Variants in FNIP1 observed in about 807,000 individuals in gnomAD.
FNIP1 encodes folliculin interacting protein 1, also known as folliculin-interacting protein 1.
In FNIP1, 40 loss-of-function variants were observed where a neutral mutation model predicts 124.5. That is an observed-to-expected ratio of 0.32 (90% confidence interval 0.25 to 0.42). The LOEUF (loss-of-function observed/expected upper bound fraction) is 0.42, where lower values mean the gene tolerates loss of function less well. FNIP1 is among the 10% of genes least tolerant of loss of function. The pLI, the probability that FNIP1 is intolerant of heterozygous loss-of-function variation, is 1.00. For missense variants in FNIP1, 1,176 were observed against 1,403.7 expected, an observed-to-expected ratio of 0.84 and a Z score of 2.59; for synonymous variants, 472 against 470.6, an observed-to-expected ratio of 1.00 and a Z score of -0.04.
At chr5:131,720,232 A>G (rs189044827) in intron 3 of FNIP1, among the ~76,000 whole-genome samples, 2 of 152,356 alleles carry the variant, frequency 1.3e-5, no homozygotes, top group East Asian at 3.9e-4. Context: ...GAAGGGTGCT[A>G]AGAATACACA....
chr5:131,729,777 C>T (rs141919680), intron 3 of FNIP1, among the ~76,000 whole-genome samples: 98 of 151,874 alleles, frequency 6.5e-4, no homozygotes, highest in African/African-American at 2.2e-3. Context: ...CAGAGGTTCG[C>T]TCTTGTTACC....
intron 1 of FNIP1, among the ~76,000 whole-genome samples, chr5:131,783,242 C>A (rs1772054305): frequency 6.6e-6 from 1 of 151,938 alleles, no homozygotes; most frequent in Admixed American, 6.6e-5. Context: ...AAAGAAATAC[C>A]AGACTCATGG....
chr5:131,795,912 C>A (rs1429411181), intron 1 of FNIP1: 1 of 152,110 alleles, frequency 6.6e-6, no homozygotes, highest in Non-Finnish European at 1.5e-5. Context: ...GTTATATTTG[C>A]AAGTTTCCAC....
intron 13 of FNIP1, among the ~76,000 whole-genome samples, chr5:131,677,048 A>G (rs1179718827): frequency 7.2e-5 from 11 of 152,254 alleles, no homozygotes. Flanking sequence ...CACAGTCTCA[A>G]CCATTTTACA....
chr5:131,697,968 C>CAAAAAAAAAAAAAAAAAAAAAAAA (rs753487190), intron 11 of FNIP1, among the ~76,000 whole-genome samples: 3 of 58,766 alleles, frequency 5.1e-5, no homozygotes, highest in Non-Finnish European at 8.5e-5. Flanking sequence ...GACTCCACCT[C>CAAAAAAAAAAAAAAAAAAAAAAAA]AAAAAAAAAA....
chr5:131,766,857 A>C (rs766328699), intron 1 of FNIP1, among the ~76,000 whole-genome samples: 4 of 152,182 alleles, frequency 2.6e-5, no homozygotes, highest in Non-Finnish European at 4.4e-5. Context: ...AGAAAGACAG[A>C]GGAAATCCCA....
intron 2 of FNIP1, among the ~76,000 whole-genome samples, chr5:131,735,658 A>ATG (rs1409250501): frequency 6.7e-6 from 1 of 149,848 alleles, no homozygotes; most frequent in Admixed American, 6.7e-5. Flanking sequence ...GCACATATAT[A>ATG]TGTATATATA....
rs1443647317 is a variant in FNIP1 at position 131,707,908 on chromosome 5, A to G, written c.778+1293T>C. On this transcript the variant is annotated intron_variant, in intron 8 of 17. Coordinates refer to ENST00000510461, the MANE Select transcript of FNIP1 (RefSeq NM_133372.3). ...ATTATACTTAAATCTTAAATAAAAT[A>G]ATGAGAATTAAATTCCTGCCAGGGA... Among the ~76,000 whole-genome samples, 3 of 152,142 alleles carry G rather than the reference A, an allele frequency of 2.0e-5. No individual in the cohort carries two copies. In the South Asian group the frequency reaches 6.2e-4, roughly 31 times the overall value.
chr5:131,768,090 T>C (rs570199787), intron 1 of FNIP1, among the ~76,000 whole-genome samples: 58 of 152,258 alleles, frequency 3.8e-4, no homozygotes, highest in African/African-American at 1.3e-3. Flanking sequence ...AAAAATACCA[T>C]AACAAAAATA....
At chr5:131,658,907 C>CAAAAAAAAAAA (rs70974003) in intron 15 of FNIP1, among the ~76,000 whole-genome samples, 28 of 41,156 alleles carry the variant, frequency 6.8e-4, no homozygotes, top group African/African-American at 1.2e-3. Context: ...TGGGTCTAGC[C>CAAAAAAAAAAA]AAAAAAAAAA....
At chr5:131,788,358 T>C (rs1282103011) in intron 1 of FNIP1, among the ~76,000 whole-genome samples, 5 of 151,944 alleles carry the variant, frequency 3.3e-5, no homozygotes, top group African/African-American at 4.8e-5. Flanking sequence ...TTTAAGATAA[T>C]TATTATATTA....
chr5:131,788,523 A>AAAAT (rs1468411606), intron 1 of FNIP1, among the ~76,000 whole-genome samples: 3 of 151,986 alleles, frequency 2.0e-5, no homozygotes, highest in Non-Finnish European at 4.4e-5. Flanking sequence ...TACAAAAATT[A>AAAAT]AAATAAATAA....
chr5:131,709,642 G>A (rs1165723329), intron 7 of FNIP1, among the ~76,000 whole-genome samples: 3 of 152,018 alleles, frequency 2.0e-5, no homozygotes, highest in Admixed American at 2.0e-4. Flanking sequence ...ATAGTTCACT[G>A]TACTGTTTCT....
rs760693321 is a variant in FNIP1 at position 131,731,046 on chromosome 5, AAC to A, written c.220-10_220-9del. ...AGCATCACTGCCGAGTTTCTGAAAT[AAC>A]AGATATTTCCACTCATGTTTTAACA... is the stretch of plus-strand genomic sequence containing the variant. On this transcript the variant is annotated splice_polypyrimidine_tract_variant and intron_variant, in intron 2 of 17. Coordinates refer to ENST00000510461, the MANE Select transcript of FNIP1 (RefSeq NM_133372.3). 44 of 1,597,342 alleles carry A rather than the reference AAC, an allele frequency of 2.8e-5. No individual in the cohort carries two copies. The highest frequency in any genetic ancestry group is 3.6e-5 in the Non-Finnish European group (42 of 1,175,192).
At chr5:131,771,104 C>G (rs953630302) in intron 1 of FNIP1, among the ~76,000 whole-genome samples, 2 of 152,098 alleles carry the variant, frequency 1.3e-5, no homozygotes, top group African/African-American at 4.8e-5. Context: ...ACAACAGTCC[C>G]CAGAGTGTGA....
chr5:131,648,173 TAA>T (rs577945348), intron 16 of FNIP1, among the ~76,000 whole-genome samples: 10 of 113,332 alleles, frequency 8.8e-5, no homozygotes, highest in African/African-American at 1.1e-4. Flanking sequence ...CTACAAAAAT[TAA>T]AAAAAAAAAA....
chr5:131,688,557 T>C (rs1768362818), intron 11 of FNIP1, among the ~76,000 whole-genome samples: 1 of 151,422 alleles, frequency 6.6e-6, no homozygotes, highest in African/African-American at 2.4e-5. Flanking sequence ...AGAATGGGAA[T>C]TGAAAATTAT....
chr5:131,769,928 A>G (rs1771571368), intron 1 of FNIP1, among the ~76,000 whole-genome samples: 1 of 152,214 alleles, frequency 6.6e-6, no homozygotes, highest in African/African-American at 2.4e-5. Context: ...CAGAAATGCC[A>G]ATGTATGTAT....
At chr5:131,734,824 G>C (rs1371885828) in intron 2 of FNIP1, among the ~76,000 whole-genome samples, 3 of 152,210 alleles carry the variant, frequency 2.0e-5, no homozygotes, top group Non-Finnish European at 4.4e-5. Flanking sequence ...GGCTGGAGAG[G>C]ATGTGGAGAA....
Sources: allele counts gnomAD v4.1 joint callset (sites outside exome capture counted in the v4.1 genomes callset), GRCh38; gene constraint gnomAD v4.1.1; transcripts MANE v1.5; gene names NCBI Gene and HGNC (gene_info 2026-07-23, HGNC 2026-07-21).